The following ARHGAP24 variants were observed in gnomAD, a reference collection of about 807,000 sequenced individuals.
ARHGAP24 encodes the protein rho GTPase-activating protein 24.
A neutral mutation model predicts 76.4 loss-of-function variants in ARHGAP24; 50 were observed. That is an observed-to-expected ratio of 0.65 (90% CI 0.52 to 0.83). ARHGAP24 has a LOEUF of 0.83. ARHGAP24 is among the 40% of genes least tolerant of loss of function. ARHGAP24 has a pLI of 0.00. For synonymous variants in ARHGAP24, 345 were observed against 323.3 expected (o/e 1.07, Z -0.72); for missense variants, 930 against 914.2 (o/e 1.02, Z -0.22).
At chr4:85,827,517 T>TGTGTGTGTGG (rs1553933033) in intron 3 of ARHGAP24, among the ~76,000 whole-genome samples, 1 of 126,210 alleles carries the variant, frequency 7.9e-6, no homozygotes, top group African/African-American at 3.1e-5. Context: ...TGTGTGTGTG[T>TGTGTGTGTGG]TTAGAGAGAG....
chr4:85,511,822 GGCCA>G (rs1262884783), intron 1 of ARHGAP24, among the ~76,000 whole-genome samples: 18 of 152,160 alleles, frequency 1.2e-4, no homozygotes, highest in African/African-American at 4.3e-4. Context: ...GTGTCAGGAG[GGCCA>G]CGCTCCCTCT....
At chr4:85,669,600 A>T (rs1305162823) in intron 2 of ARHGAP24, among the ~76,000 whole-genome samples, 1 of 146,494 alleles carries the variant, frequency 6.8e-6, no homozygotes, top group Non-Finnish European at 1.5e-5. Flanking sequence ...TAAAAATCTG[A>T]ATTAAAAAGT....
At position 85,888,136 on chromosome 4, in the gene ARHGAP24, C is replaced by T. The variant is rs1452445368; in HGVS notation, c.269-35512C>T. On this transcript the variant is annotated intron_variant, in intron 3 of 9. Coordinates refer to ENST00000395184, the MANE Select transcript of ARHGAP24 (RefSeq NM_001025616.3). ...ATTCTATCTGTGCTGGGCGTGGTGG[C>T]TTACGCCTGTAATCCCAGCATTTTG... Among the ~76,000 whole-genome samples, 3 of 152,056 alleles carry T rather than the reference C, an allele frequency of 2.0e-5. No homozygotes were observed. The East Asian group carries it at 5.8e-4, about 29-fold the overall frequency.
At chr4:85,901,914 C>T (rs568939918) in intron 3 of ARHGAP24, among the ~76,000 whole-genome samples, 2 of 151,966 alleles carry the variant, frequency 1.3e-5, no homozygotes, top group Admixed American at 6.6e-5. Flanking sequence ...CCTATCAACC[C>T]GTCATCAAGG....
In ARHGAP24 at chr4:86,002,074, A is replaced by G. The variant is rs2148878008; in HGVS notation, c.*1352A>G. The G allele has an allele frequency of 6.6e-6, 1 of 152,344 alleles. No individual in the cohort carries two copies. The highest frequency in any genetic ancestry group is 1.9e-4 in the East Asian group (1 of 5,184). 9.4% of individuals were successfully genotyped at this position (152,344 alleles called of 1,614,324 possible). ...GGAGAACAGTTCTTCACAATAAGGCAATGGTTTTGAGAGGCCAGGCAAATA... is the reference window on the plus strand; with the variant it reads ...GGAGAACAGTTCTTCACAATAAGGCGATGGTTTTGAGAGGCCAGGCAAATA... On this transcript the variant is annotated 3_prime_UTR_variant, in exon 10 of 10. Transcript: ENST00000395184.
chr4:86,000,444 T>TGGGGGGGCGGGCGGGG, intron 9 of ARHGAP24, 35 bp from the exon 10 acceptor site: 1 of 616,722 alleles, frequency 1.6e-6, no homozygotes, highest in Non-Finnish European at 2.7e-6. Flanking sequence ...TACTCTTGCG[T>TGGGGGGGCGGGCGGGG]CCCCACCCCC....
chr4:85,921,374 G>C (rs757952397), intron 3 of ARHGAP24, among the ~76,000 whole-genome samples: 7 of 151,976 alleles, frequency 4.6e-5, no homozygotes, highest in Non-Finnish European at 1.0e-4. Flanking sequence ...TGCACTGACT[G>C]GGGCCTATCA....
At chr4:85,845,965 G>C (rs942107361) in intron 3 of ARHGAP24, among the ~76,000 whole-genome samples, 1 of 151,902 alleles carries the variant, frequency 6.6e-6, no homozygotes, top group African/African-American at 2.4e-5. Context: ...GAGTGCAATG[G>C]CGCGATCTCG....
chr4:85,744,143 T>C (rs7682971), intron 3 of ARHGAP24, among the ~76,000 whole-genome samples: 20,771 of 152,222 alleles, frequency 0.14, 1,876 homozygotes, highest in East Asian at 0.36. Context: ...TTATCACATA[T>C]GAATTCAGCT....
chr4:85,835,048 A>G (rs577835359), intron 3 of ARHGAP24, among the ~76,000 whole-genome samples: 5 of 152,166 alleles, frequency 3.3e-5, no homozygotes, highest in South Asian at 2.1e-4. Flanking sequence ...AGTGAAAGCA[A>G]ATACCTTGTT....
At chr4:85,622,492 A>G (rs982695934) in intron 2 of ARHGAP24, among the ~76,000 whole-genome samples, 10 of 151,812 alleles carry the variant, frequency 6.6e-5, no homozygotes, top group Admixed American at 3.3e-4. Context: ...AATCCAGTCT[A>G]TCGTTGTTGG....
At chr4:85,721,781 G>A (rs962873884) in intron 2 of ARHGAP24, 104 bp from the exon 3 acceptor site, 15 of 966,072 alleles carry the variant, frequency 1.6e-5, no homozygotes, top group Non-Finnish European at 2.1e-5. Flanking sequence ...GCATCTTACT[G>A]TATACTGGGT....
intron 3 of ARHGAP24, among the ~76,000 whole-genome samples, chr4:85,871,331 G>A (rs1732512700): frequency 6.6e-6 from 1 of 152,058 alleles, no homozygotes; most frequent in Admixed American, 6.6e-5. Context: ...TATGAAAGCT[G>A]GCAAATACAA....
intron 2 of ARHGAP24, among the ~76,000 whole-genome samples, chr4:85,594,481 C>T (rs1560545523): frequency 6.6e-6 from 1 of 151,992 alleles, no homozygotes; most frequent in Non-Finnish European, 1.5e-5. Flanking sequence ...ACTTCCAGAA[C>T]TTTGAAATCC....
intron 1 of ARHGAP24, among the ~76,000 whole-genome samples, chr4:85,499,866 A>C (rs1169656428): frequency 6.6e-6 from 1 of 152,236 alleles, no homozygotes; most frequent in Non-Finnish European, 1.5e-5. Context: ...TAATGAACTT[A>C]TATTTAAGTT....
intron 3 of ARHGAP24, among the ~76,000 whole-genome samples, chr4:85,851,048 G>T (rs345336): frequency 6.6e-6 from 1 of 151,852 alleles, no homozygotes; most frequent in African/African-American, 2.4e-5. Context: ...TGACAGTGGG[G>T]TGTTAAAGTC....
chr4:85,726,285 G>A (rs913623307), intron 3 of ARHGAP24, among the ~76,000 whole-genome samples: 3 of 152,070 alleles, frequency 2.0e-5, no homozygotes, highest in East Asian at 1.9e-4. Context: ...GGGATAAAAC[G>A]TTTTATTTAC....
intron 2 of ARHGAP24, among the ~76,000 whole-genome samples, chr4:85,666,224 C>T (rs1167243471): frequency 1.3e-5 from 2 of 152,126 alleles, no homozygotes; most frequent in Non-Finnish European, 2.9e-5. Context: ...TGTTTTTATT[C>T]TTTTTTCTCT....
chr4:85,969,175 C>A (rs1453389877), intron 5 of ARHGAP24, among the ~76,000 whole-genome samples: 1 of 152,080 alleles, frequency 6.6e-6, no homozygotes, highest in Non-Finnish European at 1.5e-5. Context: ...TGCAATCTCG[C>A]CATCTAGTGT....
Sources: allele counts gnomAD v4.1 joint callset (sites outside exome capture counted in the v4.1 genomes callset), GRCh38; gene constraint gnomAD v4.1.1; transcripts MANE v1.5; gene names NCBI Gene and HGNC (gene_info 2026-07-23, HGNC 2026-07-21).